The following MACC1 variants were observed in gnomAD, a reference collection of about 807,000 sequenced individuals.
MACC1 encodes the protein MET transcriptional regulator MACC1.
MACC1 carries 79 observed loss-of-function variants against 70.7 expected under a neutral mutation model. That is an observed-to-expected ratio of 1.12 (90% confidence interval 0.93 to 1.35). The LOEUF (loss-of-function observed/expected upper bound fraction) is 1.35, where lower values mean the gene tolerates loss of function less well. MACC1 is among the 40% of genes most tolerant of loss of function. MACC1 has a pLI of 0.00. For synonymous variants in MACC1, 361 were observed against 347.2 expected, an observed-to-expected ratio of 1.04 and a Z score of -0.44; for missense variants, 1,106 against 978.1, an observed-to-expected ratio of 1.13 and a Z score of -1.74.
At chr7:20,175,936 A>G (rs1027945423) in intron 1 of MACC1, among the ~76,000 whole-genome samples, 1 of 152,096 alleles carries the variant, frequency 6.6e-6, no homozygotes, top group Non-Finnish European at 1.5e-5. Flanking sequence ...AAAAGACAAC[A>G]CTGAAAATCA....
chr7:20,177,610 A>C (rs1468442), intron 1 of MACC1, among the ~76,000 whole-genome samples: 73,482 of 151,626 alleles, frequency 0.48, 19,552 homozygotes, highest in East Asian at 0.86. Flanking sequence ...ATTGCTATAC[A>C]AACTTTATTT....
intron 1 of MACC1, among the ~76,000 whole-genome samples, chr7:20,174,262 T>C (rs1236088452): frequency 6.6e-6 from 1 of 152,190 alleles, no homozygotes; most frequent in Non-Finnish European, 1.5e-5. Context: ...GTAAGAATCG[T>C]GTTGGGAAGC....
intron 1 of MACC1, among the ~76,000 whole-genome samples, chr7:20,182,723 C>A (rs1338973891): frequency 6.6e-6 from 1 of 152,070 alleles, no homozygotes; most frequent in Non-Finnish European, 1.5e-5. Flanking sequence ...CCAACAACCT[C>A]GATTTGTCTT....
In MACC1 at chr7:20,158,534, T is replaced by G. The variant is rs1782088482; in HGVS notation, c.1827A>C (p.Val609=). ...AAATCACCTTGACATTTTTGCAGTG[T>G]ACAAGTCCAATCTTACCTCTGAGGA... is the stretch of plus-strand genomic sequence containing the variant. The part of the protein sequence containing the change: ...VGVLRGKIGL[V]HCKNVKVISK... Residue 609 remains valine, a synonymous_variant, in exon 5 of 7, where the codon GTA becomes GTC. Transcript: ENST00000400331. 1 of 1,614,050 alleles carries G rather than the reference T, an allele frequency of 6.2e-7. No homozygotes were observed. Among genetic ancestry groups the G allele is most frequent in the Non-Finnish European group, 8.5e-7 (1 of 1,180,010 alleles).
At chr7:20,178,632 T>C (rs1782450566) in intron 1 of MACC1, among the ~76,000 whole-genome samples, 1 of 152,198 alleles carries the variant, frequency 6.6e-6, no homozygotes, top group African/African-American at 2.4e-5. Context: ...GGAGTTTCGC[T>C]CTTGTTGCCC....
At chr7:20,199,420 A>T (rs1782801865) in intron 1 of MACC1, among the ~76,000 whole-genome samples, 1 of 152,240 alleles carries the variant, frequency 6.6e-6, no homozygotes, top group South Asian at 2.1e-4. Context: ...GGTGTGTGTG[A>T]TAGTACTGGA....
chr7:20,215,307 TG>T (rs1448091305), intron 1 of MACC1, among the ~76,000 whole-genome samples: 3 of 152,188 alleles, frequency 2.0e-5, no homozygotes, highest in Non-Finnish European at 4.4e-5. Context: ...TCAAGGGCTG[TG>T]CATGAGTTTC....
In MACC1 at chr7:20,158,393, C is replaced by G; in HGVS notation, c.1968G>C (p.Leu656Phe). 6.2e-7 allele frequency: 1 copy of G among 1,613,614 alleles called. No homozygotes were observed. Among genetic ancestry groups the G allele is most frequent in the Non-Finnish European group, 8.5e-7 (1 of 1,179,884 alleles). The change falls in exon 5 of 7, where the codon TTG becomes TTC. Residue 656 changes from leucine (L) to phenylalanine (F), a missense_variant. Leu to Phe is a conservative substitution (Grantham distance 22). Transcript: ENST00000400331. ...TCCAATCATAAACTTTTTCTGACAC[C>G]AAGGTTAATACAACTGAGTAGATAT... is the stretch of plus-strand genomic sequence containing the variant. ...LTYIYSVVLT[L>F]VSEKVYDWKV...
At chr7:20,208,683 A>G (rs926254968) in intron 1 of MACC1, among the ~76,000 whole-genome samples, 1 of 152,216 alleles carries the variant, frequency 6.6e-6, no homozygotes, top group Non-Finnish European at 1.5e-5. Context: ...CTGGGGAGAA[A>G]TTCAAGCCTG....
At chr7:20,154,421 C>T (rs1273251013) in intron 5 of MACC1, 40 bp from the exon 6 acceptor site, 1 of 1,574,366 alleles carries the variant, frequency 6.4e-7, no homozygotes, top group South Asian at 1.2e-5. Context: ...AAGCAACTAA[C>T]TTGGGCTTTT....
At position 20,158,336 on chromosome 7, in the gene MACC1, A is replaced by T; in HGVS notation, c.2025T>A (p.His675Gln). 6.2e-7 allele frequency: 1 copy of T among 1,613,948 alleles called. No individual in the cohort carries two copies. ...TTTGATCAAAATCTTCCAGGGACAG[A>T]TGTGAGTAACCCAGGACATCAGCTA... ...KVLADVLGYS[H>Q]LSLEDFDQIQ... Residue 675 changes from histidine to glutamine, a missense_variant, in exon 5 of 7, where the codon CAT becomes CAA. Physicochemically the swap from His to Gln is conservative, Grantham distance 24. Coordinates refer to ENST00000400331, the MANE Select transcript of MACC1 (RefSeq NM_182762.4).
chr7:20,195,830 C>T (rs1050571078), intron 1 of MACC1, among the ~76,000 whole-genome samples: 1 of 152,184 alleles, frequency 6.6e-6, no homozygotes, highest in Non-Finnish European at 1.5e-5. Flanking sequence ...GCAGCTAGAA[C>T]ATAGTTTATT....
intron 5 of MACC1, among the ~76,000 whole-genome samples, chr7:20,157,077 C>G (rs1782065346): frequency 6.6e-6 from 1 of 152,146 alleles, no homozygotes; most frequent in Non-Finnish European, 1.5e-5. Flanking sequence ...TAAGAATAGG[C>G]AACTGTAGGA....
intron 6 of MACC1, among the ~76,000 whole-genome samples, chr7:20,144,142 T>C (rs1334476120): frequency 6.6e-6 from 1 of 152,198 alleles, no homozygotes; most frequent in Non-Finnish European, 1.5e-5. Flanking sequence ...AACATTATCA[T>C]TGTTCATTAA....
chr7:20,214,861 A>G (rs1183523839), intron 1 of MACC1, among the ~76,000 whole-genome samples: 1 of 152,170 alleles, frequency 6.6e-6, no homozygotes, highest in Non-Finnish European at 1.5e-5. Context: ...AGTTTGGAAA[A>G]CACTGCTGTA....
chr7:20,203,137 A>T (rs529869468), intron 1 of MACC1, among the ~76,000 whole-genome samples: 65 of 152,276 alleles, frequency 4.3e-4, no homozygotes, highest in African/African-American at 1.1e-3. Context: ...GATTAAAATT[A>T]AAAAAAGTCC....
intron 2 of MACC1, among the ~76,000 whole-genome samples, chr7:20,165,442 T>C (rs546617675): frequency 5.3e-5 from 8 of 152,128 alleles, no homozygotes; most frequent in Admixed American, 2.6e-4. Context: ...CTCTCTCTCA[T>C]AATCTTTCTC....
At chr7:20,163,696 A>G (rs910086850) in intron 3 of MACC1, among the ~76,000 whole-genome samples, 1 of 152,206 alleles carries the variant, frequency 6.6e-6, no homozygotes, top group African/African-American at 2.4e-5. Context: ...CCATGACAAC[A>G]TTGAAAAACA....
chr7:20,165,582 A>G lies in MACC1; in HGVS notation c.-152-1183T>C, dbSNP rs12670474. ...TGGAAGGACCAAGATCTGCCTGGAC[A>G]ATGGCATTGCTTGTTTACACAGGTG... is the stretch of plus-strand genomic sequence containing the variant. On this transcript the variant is annotated intron_variant, in intron 2 of 6. Transcript: ENST00000400331. Among the ~76,000 whole-genome samples, 1,203 of 152,078 alleles carry G rather than the reference A, an allele frequency of 7.9e-3. 26 individuals carry two copies. The highest frequency in any genetic ancestry group is 0.038 in the Admixed American group (581 of 15,264).
Sources: gnomAD v4.1 joint callset for allele counts (sites outside exome capture counted in the v4.1 genomes callset) on GRCh38, gnomAD v4.1.1 for gene constraint, MANE v1.5 for transcripts, NCBI Gene and HGNC (gene_info 2026-07-23, HGNC 2026-07-21) for gene names.